Variants in KDM5C observed in about 807,000 individuals in gnomAD.
The protein encoded by KDM5C is lysine demethylase 5C.
KDM5C carries 16 observed loss-of-function variants against 110.6 expected under a neutral mutation model. The observed-to-expected ratio is 0.14, with a 90% CI of 0.10 to 0.22. KDM5C has a LOEUF of 0.22. KDM5C is among the 10% of genes least tolerant of loss of function. The pLI, the probability that KDM5C is intolerant of heterozygous loss-of-function variation, is 1.00. For missense variants in KDM5C, 681 were observed against 1,300.9 expected (o/e 0.52, Z 7.33); for synonymous variants, 511 against 520.4 (o/e 0.98, Z 0.24).
rs139569882 is a variant in KDM5C at position 53,193,013 on chromosome X, C to T, written c.4637G>A (p.Arg1546Gln). The change falls in exon 26 of 26, where the codon CGG becomes CAG. Residue 1546 changes from arginine to glutamine, a missense_variant. Around this residue, in one of 14 missense-constraint regions of KDM5C, gnomAD observed 115 missense variants for 120.9 expected, o/e 0.95. Transcript: ENST00000375401. ...CTGCTGTGGGCAGGGCAGATGCAGCCGGGGAGTCAGAGTGGAGAAAGGGGC... is the reference window on the plus strand; with the variant it reads ...CTGCTGTGGGCAGGGCAGATGCAGCTGGGGAGTCAGAGTGGAGAAAGGGGC... ...PSAPFSTLTPRLHLPCPQQPP... is the reference protein window; with the variant it reads ...PSAPFSTLTPQLHLPCPQQPP... 4.2e-4 allele frequency: 499 copies of T among 1,185,458 alleles called. 3 individuals are homozygous for T. Among genetic ancestry groups the T allele is most frequent in the Non-Finnish European group, 9.1e-5 (80 of 882,398 alleles).
chrX:53,212,629 C>T, intron 8 of KDM5C: 1 of 113,407 alleles, frequency 8.8e-6, no homozygotes, highest in Non-Finnish European at 1.9e-5. Flanking sequence ...ATGCAGGGTG[C>T]TTAGAGAAGG....
At chrX:53,196,572 A>T in intron 19 of KDM5C, 114 bp downstream of exon 19, 1 of 593,977 alleles carries the variant, frequency 1.7e-6, no homozygotes, top group Non-Finnish European at 2.8e-6. Flanking sequence ...GAGAGTCAAT[A>T]CAGTAACACA....
intron 2 of KDM5C, among the ~76,000 whole-genome samples, chrX:53,219,086 A>G (rs1556853525): frequency 8.9e-6 from 1 of 112,746 alleles, no homozygotes; most frequent in Non-Finnish European, 1.9e-5. Flanking sequence ...TTGGTGCCAA[A>G]TAATTTGAGC....
intron 8 of KDM5C, 83 bp from the exon 9 acceptor site, chrX:53,211,989 T>G (rs781889053): frequency 8.9e-7 from 1 of 1,127,113 alleles, no homozygotes. Context: ...ATATAAGGGG[T>G]AGGGAGGGAG....
chrX:53,215,902 T>C lies in KDM5C; in HGVS notation c.856A>G (p.Thr286Ala), dbSNP rs782243186. 12 of 1,210,037 alleles carry C rather than the reference T, an allele frequency of 9.9e-6. No homozygotes were observed. The South Asian group carries it at 1.2e-4, about 12-fold the overall frequency. The change falls in exon 7 of 26, where the codon ACA (threonine) becomes GCA (alanine). Residue 286 changes from threonine (T) to alanine (A), a missense_variant. Transcript: ENST00000375401. ...CTCTCCAGGAAGGTCTTAGGCGATG[T>C]TGACTCCACCTTCACATCCCCACCT... is the stretch of plus-strand genomic sequence containing the variant. ...ELGGDVKVESTSPKTFLESKE... is the reference protein window; with the variant it reads ...ELGGDVKVESASPKTFLESKE...
At chrX:53,193,910 C>G (rs1934614054) in intron 23 of KDM5C, 59 bp from the exon 24 acceptor site, 1 of 1,095,057 alleles carries the variant, frequency 9.1e-7, no homozygotes, top group Non-Finnish European at 1.3e-6. Flanking sequence ...GGCCCTATTC[C>G]TCCTCCGCCA....
At position 53,193,617 on chromosome X, in the gene KDM5C, C is replaced by G. The variant is rs368369923; in HGVS notation, c.4137G>C (p.Ser1379=). 14 of 1,210,247 alleles carry G rather than the reference C, an allele frequency of 1.2e-5. No homozygotes were observed. The highest frequency in any genetic ancestry group is 7.8e-6 in the Non-Finnish European group (7 of 895,158). The change falls in exon 25 of 26, where the codon TCG becomes TCC. Residue 1379 remains serine, a synonymous_variant. Coordinates refer to ENST00000375401, the MANE Select transcript of KDM5C (RefSeq NM_004187.5). ...CAGGGCCAGTCAACTGTGGCAACAGCGAGGACAGCAGCTCCAGATCTAGGA... is the reference window on the plus strand; with the variant it reads ...CAGGGCCAGTCAACTGTGGCAACAGGGAGGACAGCAGCTCCAGATCTAGGA... The part of the protein sequence containing the change: ...SGKRDLELLS[S]LLPQLTGPVL...
At chrX:53,214,532 C>T (rs782018671) in intron 8 of KDM5C, 157 bp downstream of exon 8, 20 of 562,467 alleles carry the variant, frequency 3.6e-5, no homozygotes, top group Non-Finnish European at 5.7e-5. Context: ...AAGGCTGAAT[C>T]TCCTGCTCCT....
At chrX:53,219,907 T>A (rs1257278297) in intron 2 of KDM5C, among the ~76,000 whole-genome samples, 1 of 112,106 alleles carries the variant, frequency 8.9e-6, no homozygotes, top group Admixed American at 9.4e-5. Flanking sequence ...AAGATATATT[T>A]TTCTTTTCTG....
chrX:53,200,594 C>T, intron 14 of KDM5C, among the ~76,000 whole-genome samples: 1 of 111,677 alleles, frequency 9.0e-6, no homozygotes, highest in Non-Finnish European at 1.9e-5. Context: ...GACTGAGAGG[C>T]CCCAGACTTC....
intron 12 of KDM5C, among the ~76,000 whole-genome samples, chrX:53,207,873 C>T (rs1256259422): frequency 9.8e-6 from 1 of 101,850 alleles, no homozygotes; most frequent in African/African-American, 3.6e-5. Context: ...CACTTGAACT[C>T]GGGAGGAGGA....
At position 53,192,858 on chromosome X, in the gene KDM5C, G is replaced by GCCCCCCCCCCCCCCCCCCCCCCCCCCCCA; in HGVS notation, c.*108_*109insTGGGGGGGGGGGGGGGGGGGGGGGGGGGG. The GCCCCCCCCCCCCCCCCCCCCCCCCCCCCA allele has an allele frequency of 1.4e-6, 1 of 728,432 alleles. No individual in the cohort carries two copies. Among genetic ancestry groups the GCCCCCCCCCCCCCCCCCCCCCCCCCCCCA allele is most frequent in the Non-Finnish European group, 1.8e-6 (1 of 548,377 alleles). 60.0% of individuals were successfully genotyped at this position (728,432 alleles called of 1,213,427 possible). A position where few individuals can be genotyped will look rare whatever the true frequency, so the allele number is the denominator to read the frequency against. ...CAGGGGTGGGCGGGTAGCAGGGATG[G>GCCCCCCCCCCCCCCCCCCCCCCCCCCCCA]CCACCCCCCTACCCGCCCACCCCCC... On this transcript the variant is annotated 3_prime_UTR_variant, in exon 26 of 26. Transcript: ENST00000375401.
intron 23 of KDM5C, 51 bp from the exon 24 acceptor site, chrX:53,193,902 C>A (rs782794906): frequency 1.2e-5 from 13 of 1,106,455 alleles, no homozygotes; most frequent in Non-Finnish European, 3.7e-6. Flanking sequence ...AAGAACCAGG[C>A]CCTATTCCTC....
intron 22 of KDM5C, 23 bp downstream of exon 22, chrX:53,194,908 C>T: frequency 4.1e-6 from 5 of 1,210,183 alleles, no homozygotes; most frequent in Non-Finnish European, 5.6e-6. Context: ...GCCCTTCTCC[C>T]CATCTGTGTC....
At chrX:53,181,168 G>T (rs1934037116) in intron 25 of KDM5C, among the ~76,000 whole-genome samples, 1 of 109,223 alleles carries the variant, frequency 9.2e-6, no homozygotes, top group African/African-American at 3.3e-5. Flanking sequence ...TTGTTTTTAA[G>T]TAATCTTTTT....
intron 25 of KDM5C, among the ~76,000 whole-genome samples, chrX:53,185,442 T>C (rs1934188928): frequency 8.9e-6 from 1 of 112,685 alleles, no homozygotes; most frequent in South Asian, 3.7e-4. Context: ...TTTGGAATAC[T>C]ACAGAAGCAA....
At position 53,225,185 on chromosome X, in the gene KDM5C, C is replaced by T. The variant is rs1442371626; in HGVS notation, c.-296G>A. 3 of 351,410 alleles carry T rather than the reference C, an allele frequency of 8.5e-6. No homozygotes were observed. The highest frequency in any genetic ancestry group is 1.5e-5 in the Non-Finnish European group (3 of 203,128). The allele number at this position is 351,410 out of a possible 1,213,427, so 29.0% of individuals were successfully genotyped here. The stretch of plus-strand genomic sequence containing the variant: ...TCCCAAACGCCGCGGCCTTCAGCGC[C>T]GCCGCCGCCATCTTGGTTTGTCAGC... On this transcript the variant is annotated 5_prime_UTR_variant, in exon 1 of 26. Transcript: ENST00000375401.
chrX:53,192,942 G>A lies in KDM5C; in HGVS notation c.*25C>T. 1 of 1,136,110 alleles carries A rather than the reference G, an allele frequency of 8.8e-7. No individual in the cohort carries two copies. The highest frequency in any genetic ancestry group is 1.2e-6 in the Non-Finnish European group (1 of 862,097). 93.6% of individuals were successfully genotyped at this position (1,136,110 alleles called of 1,213,427 possible). ...TTGAGGCCGAGGGGGGTCTCTGTCA[G>A]GGTCTGTGCTAGGCTCAGCCACTGT... On this transcript the variant is annotated 3_prime_UTR_variant, in exon 26 of 26. Coordinates refer to ENST00000375401, the MANE Select transcript of KDM5C (RefSeq NM_004187.5).
Position 53,198,494 on chromosome X carries a change from C to G in KDM5C, c.2512G>C (p.Ala838Pro), listed in dbSNP as rs782745666. The G allele has an allele frequency of 9.1e-6, 11 of 1,202,919 alleles. No homozygotes were observed. Among genetic ancestry groups the G allele is most frequent in the Non-Finnish European group, 3.4e-6 (3 of 890,861 alleles). ...RALGLVSGQE[A>P]GPHRVAGLQM... is the part of the protein sequence containing the mutation. ...TAACTCCTCACGCTGTCATACCCAG[C>G]TTCCTGGCCGCTGACCAGTCCCAGA... Residue 838 changes from alanine to proline, a missense_variant, in exon 17 of 26, where the codon GCT (alanine) becomes CCT (proline). By Grantham distance (27) the Ala-to-Pro change is conservative. Coordinates refer to ENST00000375401, the MANE Select transcript of KDM5C (RefSeq NM_004187.5).
Sources: gnomAD v4.1 joint callset for allele counts (sites outside exome capture counted in the v4.1 genomes callset) on GRCh38, gnomAD v4.1.1 for gene constraint, gnomAD v4.1.1 regional missense constraint, MANE v1.5 for transcripts, NCBI Gene and HGNC (gene_info 2026-07-23, HGNC 2026-07-21) for gene names.